ZFHX3: variants seen among roughly 807,000 people sequenced by gnomAD.
ZFHX3 encodes zinc finger homeobox protein 3.
ZFHX3 carries 42 observed loss-of-function variants against 279.1 expected under a neutral mutation model. That is an observed-to-expected ratio of 0.15 (90% CI 0.12 to 0.19). The LOEUF (loss-of-function observed/expected upper bound fraction) is 0.19. ZFHX3 is among the 10% of genes least tolerant of loss of function. ZFHX3 has a pLI of 1.00. For synonymous variants in ZFHX3, 2,293 were observed against 1,957.8 expected (o/e 1.17, Z -4.52); for missense variants, 4,981 against 4,754.0 (o/e 1.05, Z -1.40).
chr16:73,021,874 A>C (rs942010072), intron 1 of ZFHX3, among the ~76,000 whole-genome samples: 1 of 151,462 alleles, frequency 6.6e-6, no homozygotes, highest in Non-Finnish European at 1.5e-5. Context: ...GTACCCTTAG[A>C]AGAGGAGGGA....
At chr16:73,059,462 TAA>T (rs1331428090) in exon 1 of ZFHX3, 1 of 151,646 alleles carries the variant, frequency 6.6e-6, no homozygotes, top group African/African-American at 2.4e-5. Flanking sequence ...AGAATCTTTT[TAA>T]GATTTTTTTT....
intron 4 of ZFHX3, among the ~76,000 whole-genome samples, chr16:72,880,094 C>T (rs1195883323): frequency 4.6e-5 from 7 of 152,164 alleles, no homozygotes; most frequent in African/African-American, 7.2e-5. Flanking sequence ...CCGTGTGCTG[C>T]GAGCAGGAAA....
intron 1 of ZFHX3, among the ~76,000 whole-genome samples, chr16:73,001,099 G>C (rs1477116538): frequency 1.3e-5 from 2 of 152,190 alleles, no homozygotes; most frequent in Non-Finnish European, 2.9e-5. Context: ...AAATGTGATA[G>C]GACACCACTT....
At chr16:73,856,367 G>GT (rs1311245570) in intron 1 of ZFHX3, among the ~76,000 whole-genome samples, 1 of 152,154 alleles carries the variant, frequency 6.6e-6, no homozygotes, top group Non-Finnish European at 1.5e-5. Context: ...GTTGGACGCA[G>GT]TAACAGTTCT....
At position 73,324,003 on chromosome 16, in the gene ZFHX3, G is replaced by A. The variant is rs567872152; in HGVS notation, c.-1290-5667C>T. 3.3e-5 allele frequency among the ~76,000 whole-genome samples: 5 copies of A among 152,336 alleles called. No individual in the cohort carries two copies. In the South Asian group the frequency reaches 1.0e-3, roughly 32 times the overall value. On this transcript the variant is annotated intron_variant, in intron 3 of 17. Transcript: ENST00000641206. ...TACTGTGATAACACCTCCTGGCAGA[G>A]GCCTTTACCTTGGGCCCGAGTGTAT...
chr16:73,012,194 T>A (rs1277987951), intron 1 of ZFHX3, among the ~76,000 whole-genome samples: 1 of 152,118 alleles, frequency 6.6e-6, no homozygotes, highest in African/African-American at 2.4e-5. Flanking sequence ...GTGGAATAGG[T>A]ACAACTAACG....
chr16:73,710,367 ATTT>A (rs747571480), intron 1 of ZFHX3, among the ~76,000 whole-genome samples: 16 of 152,276 alleles, frequency 1.1e-4, no homozygotes, highest in Non-Finnish European at 2.2e-4. Context: ...CCTCTTACCC[ATTT>A]TTAACTATGT....
intron 2 of ZFHX3, among the ~76,000 whole-genome samples, chr16:73,483,975 C>CTTTTTTT: frequency 6.9e-6 from 1 of 145,104 alleles, no homozygotes; most frequent in Non-Finnish European, 1.5e-5. Context: ...GTTGTTAATA[C>CTTTTTTT]CTCTCCATTT....
At chr16:72,838,368 C>T (rs1329969545) in intron 4 of ZFHX3, among the ~76,000 whole-genome samples, 1 of 152,192 alleles carries the variant, frequency 6.6e-6, no homozygotes, top group Non-Finnish European at 1.5e-5. Flanking sequence ...GTGTTCGGCC[C>T]CTGCTGGGCA....
intron 3 of ZFHX3, among the ~76,000 whole-genome samples, chr16:72,917,795 A>AT (rs995720251): frequency 6.6e-6 from 1 of 152,106 alleles, no homozygotes; most frequent in Non-Finnish European, 1.5e-5. Flanking sequence ...CATTTCCAAA[A>AT]TTTTTTTTAC....
intron 5 of ZFHX3, among the ~76,000 whole-genome samples, chr16:73,168,864 T>C (rs1967456537): frequency 6.6e-6 from 1 of 152,214 alleles, no homozygotes; most frequent in Non-Finnish European, 1.5e-5. Context: ...TGTCCACATC[T>C]ATGACCCTTG....
intron 5 of ZFHX3, among the ~76,000 whole-genome samples, chr16:73,228,953 A>G (rs890219817): frequency 6.6e-6 from 1 of 152,148 alleles, no homozygotes; most frequent in Non-Finnish European, 1.5e-5. Context: ...TTTTAGGACT[A>G]CAACTCCAGA....
At chr16:73,037,907 C>T (rs1276333368) in intron 1 of ZFHX3, among the ~76,000 whole-genome samples, 1 of 152,100 alleles carries the variant, frequency 6.6e-6, no homozygotes, top group Non-Finnish European at 1.5e-5. Context: ...GCCATGACTA[C>T]CAGCTTGCCA....
At chr16:73,753,986 A>ATGTGTGTGTGTGTGTGTGTGTGTG (rs1310925312) in intron 1 of ZFHX3, among the ~76,000 whole-genome samples, 5,557 of 147,306 alleles carry the variant, frequency 0.038, 179 homozygotes, top group African/African-American at 0.078. Context: ...GTAAGAATCA[A>ATGTGTGTGTGTGTGTGTGTGTGTG]TGTGTGTGTG....
At chr16:73,756,777 G>T (rs758931661) in intron 1 of ZFHX3, among the ~76,000 whole-genome samples, 1 of 114,134 alleles carries the variant, frequency 8.8e-6, no homozygotes, top group Non-Finnish European at 1.6e-5. Context: ...AGGGCATTTT[G>T]CTGAGTCTCC....
intron 1 of ZFHX3, among the ~76,000 whole-genome samples, chr16:72,988,329 C>T (rs949262474): frequency 6.6e-6 from 1 of 152,188 alleles, no homozygotes; most frequent in African/African-American, 2.4e-5. Context: ...CTACTCTTCC[C>T]GCTCCCACCT....
chr16:73,128,108 A>G (rs13380780), intron 7 of ZFHX3, among the ~76,000 whole-genome samples: 16,371 of 152,260 alleles, frequency 0.11, 1,521 homozygotes, highest in East Asian at 0.41. Context: ...ATAAACTTCT[A>G]TTGTGTCACA....
intron 1 of ZFHX3, among the ~76,000 whole-genome samples, chr16:73,026,095 C>T (rs750637531): frequency 1.5e-4 from 22 of 146,936 alleles, no homozygotes; most frequent in African/African-American, 2.3e-4. Flanking sequence ...GCTTGTAATC[C>T]GAGCACTTAG....
At chr16:73,498,696 T>C (rs909072509) in intron 2 of ZFHX3, among the ~76,000 whole-genome samples, 2 of 151,940 alleles carry the variant, frequency 1.3e-5, no homozygotes, top group Non-Finnish European at 2.9e-5. Context: ...GGGAGCAGGA[T>C]TGGGTAGCAG....
Sources: gnomAD v4.1 joint callset for allele counts (sites outside exome capture counted in the v4.1 genomes callset) on GRCh38, gnomAD v4.1.1 for gene constraint, MANE v1.5 for transcripts, NCBI Gene and HGNC (gene_info 2026-07-23, HGNC 2026-07-21) for gene names.